Variants in DMC1 observed in about 807,000 individuals in gnomAD.
DMC1 encodes the protein meiotic recombination protein DMC1 homolog.
In DMC1, 27 loss-of-function variants were observed where a neutral mutation model predicts 50.1. The ratio of observed to expected loss-of-function variants is 0.54; its 90% CI spans 0.40 to 0.74. The LOEUF is 0.74. DMC1 is among the 30% of genes least tolerant of loss of function. The pLI, the probability that DMC1 is intolerant of heterozygous loss-of-function variation, is 0.00. For missense variants in DMC1, 295 were observed against 420.2 expected (o/e 0.70, Z 2.60); for synonymous variants, 148 against 136.1 (o/e 1.09, Z -0.61).
chr22:38,538,238 C>T, intron 11 of DMC1, 57 bp downstream of exon 11: 1 of 1,436,774 alleles, frequency 7.0e-7, no homozygotes, highest in Non-Finnish European at 9.8e-7. Context: ...CCAAGCTTCT[C>T]TGCAAAGTAT....
intron 5 of DMC1, among the ~76,000 whole-genome samples, chr22:38,556,904 A>G (rs1335762645): frequency 6.6e-6 from 1 of 152,246 alleles, no homozygotes; most frequent in Non-Finnish European, 1.5e-5. Context: ...GCAGACTTCA[A>G]TAAGGAAAAG....
At chr22:38,545,078 A>G (rs2090329226) in intron 8 of DMC1, among the ~76,000 whole-genome samples, 1 of 152,134 alleles carries the variant, frequency 6.6e-6, no homozygotes, top group African/African-American at 2.4e-5. Flanking sequence ...ATGAAATATC[A>G]TCTCACCCCA....
intron 1 of DMC1, chr22:38,568,543 C>T (rs1375626828): frequency 4.0e-6 from 2 of 494,982 alleles, no homozygotes; most frequent in African/African-American, 1.9e-5. Context: ...TATTTAGTTT[C>T]TTCTCTTTCC....
At chr22:38,566,769 T>A in intron 3 of DMC1, 33 bp from the exon 4 acceptor site, 16 of 1,608,714 alleles carry the variant, frequency 9.9e-6, no homozygotes, top group Non-Finnish European at 1.4e-5. Flanking sequence ...AGCAGACTGA[T>A]AAGATGCCAG....
At chr22:38,551,347 C>T (rs2090408826) in intron 7 of DMC1, among the ~76,000 whole-genome samples, 3 of 149,740 alleles carry the variant, frequency 2.0e-5, no homozygotes, top group African/African-American at 4.9e-5. Context: ...CTTTTTTTTT[C>T]GAGACAGGTC....
At chr22:38,527,772 G>A (rs2090109118) in intron 12 of DMC1, among the ~76,000 whole-genome samples, 1 of 152,060 alleles carries the variant, frequency 6.6e-6, no homozygotes, top group Non-Finnish European at 1.5e-5. Context: ...ACCTGCCTCA[G>A]CCTCCCAAAG....
chr22:38,536,690 C>T (rs985041675), intron 12 of DMC1, among the ~76,000 whole-genome samples: 6 of 152,068 alleles, frequency 3.9e-5, no homozygotes, highest in Non-Finnish European at 8.8e-5. Context: ...GGATCTATTT[C>T]TTATTGTCCT....
the DMC1 span, among the ~76,000 whole-genome samples, chr22:38,512,824 C>A: frequency 1.3e-5 from 2 of 152,114 alleles, no homozygotes; most frequent in Non-Finnish European, 2.9e-5. Context: ...TGACTCATGC[C>A]TGTAATCCCA....
chr22:38,518,017 G>C (rs2089988159), downstream of DMC1, among the ~76,000 whole-genome samples: 2 of 150,602 alleles, frequency 1.3e-5, no homozygotes, highest in African/African-American at 4.9e-5. Context: ...CTGTCACCCA[G>C]GCTGGAGTGC....
chr22:38,569,792 C>G (rs2146054413), intron 1 of DMC1, among the ~76,000 whole-genome samples: 1 of 152,300 alleles, frequency 6.6e-6, no homozygotes, highest in East Asian at 1.9e-4. Flanking sequence ...CTGCGGCCGC[C>G]GGACATTTTC....
intron 4 of DMC1, among the ~76,000 whole-genome samples, chr22:38,562,984 G>A (rs961236201): frequency 6.6e-6 from 1 of 152,188 alleles, no homozygotes; most frequent in Admixed American, 6.6e-5. Context: ...GGCCAGGATG[G>A]TCTCAAACTC....
At chr22:38,563,702 A>T (rs979184327) in intron 4 of DMC1, among the ~76,000 whole-genome samples, 2 of 142,520 alleles carry the variant, frequency 1.4e-5, no homozygotes, top group Admixed American at 7.0e-5. Context: ...ATCTCCACAA[A>T]TTTTTTTTTT....
chr22:38,550,564 G>A (rs1474832374), intron 7 of DMC1, among the ~76,000 whole-genome samples: 1 of 150,204 alleles, frequency 6.7e-6, no homozygotes, highest in East Asian at 2.0e-4. Context: ...TGCCCACCTC[G>A]GCCTCCCAAA....
chr22:38,538,548 G>A lies in DMC1; in HGVS notation c.651C>T (p.Phe217=). 6.2e-7 allele frequency: 1 copy of A among 1,613,950 alleles called. No homozygotes were observed. Among genetic ancestry groups the A allele is most frequent in the Non-Finnish European group, 8.5e-7 (1 of 1,179,880 alleles). ...ATTTAAAAGCTTGTACCAATAGCTTGAAGATGCCAGCTTCTTCATGGAACT... is the reference window on the plus strand; with the variant it reads ...ATTTAAAAGCTTGTACCAATAGCTTAAAGATGCCAGCTTCTTCATGGAACT... ...AAKFHEEAGI[F]KLLIIDSIMA... The change falls in exon 10 of 14, where the codon TTC becomes TTT. Residue 217 remains phenylalanine (F), a synonymous_variant. Coordinates refer to ENST00000216024, the MANE Select transcript of DMC1 (RefSeq NM_007068.4).
chr22:38,560,238 G>GA (rs2090512339), intron 5 of DMC1, among the ~76,000 whole-genome samples: 1 of 152,076 alleles, frequency 6.6e-6, no homozygotes, highest in Non-Finnish European at 1.5e-5. Flanking sequence ...ATGACAGCAA[G>GA]CCATGTAGAT....
intron 9 of DMC1, 29 bp downstream of exon 9, chr22:38,539,292 C>G: frequency 6.5e-7 from 1 of 1,539,276 alleles, no homozygotes; most frequent in Non-Finnish European, 9.0e-7. Flanking sequence ...TTACATTGAC[C>G]CAAGCATCCA....
chr22:38,569,710 C>T (rs1238505206), intron 1 of DMC1, among the ~76,000 whole-genome samples: 4 of 152,356 alleles, frequency 2.6e-5, no homozygotes, highest in Middle Eastern at 3.4e-3. Flanking sequence ...CCAGCTGTCC[C>T]CTCTGGTGGG....
intron 3 of DMC1, 48 bp from the exon 4 acceptor site, chr22:38,566,784 CA>C: frequency 6.4e-7 from 1 of 1,574,026 alleles, no homozygotes; most frequent in Non-Finnish European, 8.7e-7. Context: ...TGCCAGCCTG[CA>C]AGGCTCCCAT....
intron 6 of DMC1, among the ~76,000 whole-genome samples, chr22:38,553,429 C>T (rs1310823801): frequency 4.3e-5 from 6 of 140,710 alleles, no homozygotes; most frequent in Admixed American, 3.0e-4. Flanking sequence ...ACTCGGGAGG[C>T]GGAGCTTGCA....
Sources: allele counts gnomAD v4.1 joint callset (sites outside exome capture counted in the v4.1 genomes callset), GRCh38; gene constraint gnomAD v4.1.1; transcripts MANE v1.5; gene names NCBI Gene and HGNC (gene_info 2026-07-23, HGNC 2026-07-21).